The following CNTNAP5 variants were observed in gnomAD, a reference collection of about 807,000 sequenced individuals.
CNTNAP5 encodes the protein contactin-associated protein-like 5.
In CNTNAP5, 72 loss-of-function variants were observed where a neutral mutation model predicts 150.2. That is an observed-to-expected ratio of 0.48 (90% CI 0.40 to 0.58). The LOEUF (loss-of-function observed/expected upper bound fraction) is 0.58, where lower values mean the gene tolerates loss of function less well. CNTNAP5 is among the 20% of genes least tolerant of loss of function. The probability of loss-of-function intolerance (pLI) is 0.00; values close to 1 mark genes in which losing one functional copy is unlikely to be tolerated. For synonymous variants in CNTNAP5, 672 were observed against 619.8 expected (o/e 1.08, Z -1.25); for missense variants, 1,636 against 1,626.2 (o/e 1.01, Z -0.10).
chr2:124,659,500 G>A (rs986244611), intron 13 of CNTNAP5, among the ~76,000 whole-genome samples: 1 of 152,172 alleles, frequency 6.6e-6, no homozygotes, highest in East Asian at 1.9e-4. Context: ...CCATCATCAG[G>A]AAAGGTAATC....
intron 1 of CNTNAP5, among the ~76,000 whole-genome samples, chr2:124,158,349 A>C (rs1293922645): frequency 6.6e-6 from 1 of 152,196 alleles, no homozygotes; most frequent in East Asian, 1.9e-4. Flanking sequence ...GGATGCTCAA[A>C]TTCCTTATAT....
chr2:124,660,063 G>A (rs1389277749), intron 13 of CNTNAP5, among the ~76,000 whole-genome samples: 2 of 151,168 alleles, frequency 1.3e-5, no homozygotes, highest in Non-Finnish European at 2.9e-5. Flanking sequence ...AGGAAGGAAG[G>A]AAGGAAGGAA....
chr2:124,411,466 T>G (rs1199078827), intron 3 of CNTNAP5, among the ~76,000 whole-genome samples: 7 of 151,798 alleles, frequency 4.6e-5, no homozygotes, highest in East Asian at 1.9e-4. Context: ...GAGCATTGAT[T>G]CAAAAATCCT....
chr2:124,124,173 A>G (rs1461510344), intron 1 of CNTNAP5, among the ~76,000 whole-genome samples: 1 of 152,200 alleles, frequency 6.6e-6, no homozygotes, highest in African/African-American at 2.4e-5. Flanking sequence ...AAAAAAGATT[A>G]GATGAATGGC....
chr2:124,058,330 T>G (rs1418064457), intron 1 of CNTNAP5, among the ~76,000 whole-genome samples: 1 of 152,160 alleles, frequency 6.6e-6, no homozygotes. Context: ...TGTCATATGA[T>G]TCTCATGCCT....
intron 1 of CNTNAP5, among the ~76,000 whole-genome samples, chr2:124,185,926 A>G (rs1685323594): frequency 6.6e-6 from 1 of 152,362 alleles, no homozygotes; most frequent in African/African-American, 2.4e-5. Flanking sequence ...TAATGGATAT[A>G]TTCAAATATT....
At chr2:124,560,563 C>A (rs1221316679) in intron 10 of CNTNAP5, among the ~76,000 whole-genome samples, 1 of 146,378 alleles carries the variant, frequency 6.8e-6, no homozygotes, top group South Asian at 2.2e-4. Flanking sequence ...GTTTCTTTTT[C>A]TTTTTGTAAT....
intron 13 of CNTNAP5, among the ~76,000 whole-genome samples, chr2:124,688,643 G>A (rs952037151): frequency 2.0e-5 from 3 of 152,032 alleles, no homozygotes; most frequent in African/African-American, 7.2e-5. Flanking sequence ...AGTTCACTCG[G>A]GGACATGCAG....
chr2:124,692,425 A>G (rs1184395294), intron 13 of CNTNAP5, among the ~76,000 whole-genome samples: 1 of 152,120 alleles, frequency 6.6e-6, no homozygotes, highest in African/African-American at 2.4e-5. Context: ...AATATATACA[A>G]TCTGGCCTTT....
chr2:124,686,431 G>A (rs899900431), intron 13 of CNTNAP5, among the ~76,000 whole-genome samples: 11 of 152,120 alleles, frequency 7.2e-5, no homozygotes, highest in African/African-American at 2.7e-4. Context: ...ATACTTTGTG[G>A]TAGACTGTGA....
chr2:124,268,946 C>T (rs925551267), intron 3 of CNTNAP5, among the ~76,000 whole-genome samples: 11 of 152,010 alleles, frequency 7.2e-5, no homozygotes, highest in Non-Finnish European at 1.3e-4. Context: ...CTTCCAAGTT[C>T]GCTCATAGCC....
At chr2:124,820,627 C>T (rs1263124120) in intron 19 of CNTNAP5, among the ~76,000 whole-genome samples, 1 of 152,124 alleles carries the variant, frequency 6.6e-6, no homozygotes, top group East Asian at 1.9e-4. Flanking sequence ...CAGTGGAGTT[C>T]TTGAGTTGAT....
At chr2:124,180,103 A>G (rs1014494451) in intron 1 of CNTNAP5, among the ~76,000 whole-genome samples, 3 of 152,232 alleles carry the variant, frequency 2.0e-5, no homozygotes, top group African/African-American at 7.2e-5. Context: ...CTCTTCTCCA[A>G]CAATTAATTT....
chr2:124,042,468 G>A (rs1005263826), intron 1 of CNTNAP5, among the ~76,000 whole-genome samples: 2 of 152,040 alleles, frequency 1.3e-5, no homozygotes, highest in Non-Finnish European at 2.9e-5. Flanking sequence ...TGTCCTCATA[G>A]GCTTTAGACA....
chr2:124,855,166 G>GT (rs1558801475), intron 19 of CNTNAP5, among the ~76,000 whole-genome samples: 14 of 77,494 alleles, frequency 1.8e-4, no homozygotes, highest in African/African-American at 5.4e-4. Context: ...TTGGGCTTTT[G>GT]CTTTTTTTTT....
intron 13 of CNTNAP5, among the ~76,000 whole-genome samples, chr2:124,736,121 T>G (rs1222803905): frequency 1.3e-5 from 2 of 152,080 alleles, no homozygotes; most frequent in Non-Finnish European, 2.9e-5. Flanking sequence ...TCCCAGCTAT[T>G]CGAGAGACTG....
intron 11 of CNTNAP5, among the ~76,000 whole-genome samples, chr2:124,598,728 C>T (rs1288612177): frequency 1.2e-4 from 18 of 152,068 alleles, no homozygotes; most frequent in Non-Finnish European, 8.8e-5. Context: ...CAATGGCGGG[C>T]GCCCCTCCCC....
intron 22 of CNTNAP5, among the ~76,000 whole-genome samples, chr2:124,909,799 T>C (rs1378452131): frequency 5.0e-5 from 7 of 138,666 alleles, no homozygotes; most frequent in African/African-American, 8.1e-5. Context: ...CTATCATCAT[T>C]ATCACCCCAT....
chr2:124,869,342 T>G (rs2104724815), intron 20 of CNTNAP5, among the ~76,000 whole-genome samples: 1 of 152,274 alleles, frequency 6.6e-6, no homozygotes, highest in South Asian at 2.1e-4. Flanking sequence ...GCACAGCAAG[T>G]TCCTGAGCAG....
Sources: allele counts gnomAD v4.1 joint callset (sites outside exome capture counted in the v4.1 genomes callset), GRCh38; gene constraint gnomAD v4.1.1; transcripts MANE v1.5; gene names NCBI Gene and HGNC (gene_info 2026-07-23, HGNC 2026-07-21).